TENM4: variants seen among roughly 807,000 people sequenced by gnomAD.
TENM4 encodes the protein teneurin transmembrane protein 4, also known as teneurin-4.
In TENM4, 82 loss-of-function variants were observed where a neutral mutation model predicts 243.3. The observed-to-expected ratio is 0.34, with a 90% confidence interval of 0.28 to 0.40. The LOEUF (loss-of-function observed/expected upper bound fraction) is 0.40. Ranked by LOEUF, TENM4 falls within the 10% of genes least tolerant of loss-of-function variation. The pLI is 1.00. For missense variants in TENM4, 3,138 were observed against 3,673.3 expected (o/e 0.85, Z 3.77); for synonymous variants, 1,412 against 1,456.3 (o/e 0.97, Z 0.69).
rs541209483 is a variant in TENM4 at position 78,830,760 on chromosome 11, C to T, written c.1682-16365G>A. Among the ~76,000 whole-genome samples the T allele has an allele frequency of 2.6e-5, 4 of 152,318 alleles. No homozygotes were observed. The East Asian group carries it at 7.7e-4, about 29-fold the overall frequency. Reference sequence around the variant, plus strand: ...CAACCTTCACACTCAGCCGCCAGGACAGTAAATTAAGAGAGAGACTCCGGG... The same window carrying T: ...CAACCTTCACACTCAGCCGCCAGGATAGTAAATTAAGAGAGAGACTCCGGG... On this transcript the variant is annotated intron_variant, in intron 12 of 33. Transcript: ENST00000278550.
intron 6 of TENM4, among the ~76,000 whole-genome samples, chr11:79,058,632 C>T (rs1021429892): frequency 6.6e-6 from 1 of 152,070 alleles, no homozygotes; most frequent in Non-Finnish European, 1.5e-5. Flanking sequence ...ACTAGCTATG[C>T]ACCCTTCAAT....
intron 4 of TENM4, among the ~76,000 whole-genome samples, chr11:79,139,861 C>T (rs1476033113): frequency 7.9e-6 from 1 of 127,070 alleles, no homozygotes; most frequent in East Asian, 2.4e-4. Flanking sequence ...TATGTATTTT[C>T]CATTAGTTCT....
At chr11:79,004,034 A>G (rs1858408247) in intron 6 of TENM4, among the ~76,000 whole-genome samples, 1 of 152,206 alleles carries the variant, frequency 6.6e-6, no homozygotes, top group African/African-American at 2.4e-5. Flanking sequence ...AAAGATCAAA[A>G]AAGACAAAGA....
chr11:79,347,762 C>CTTTTTTTTT (rs528675032), intron 1 of TENM4, among the ~76,000 whole-genome samples: 1 of 94,692 alleles, frequency 1.1e-5, no homozygotes, highest in Non-Finnish European at 2.0e-5. Flanking sequence ...CTATCCTCTC[C>CTTTTTTTTT]TTTTTTTTTT....
At chr11:78,808,506 G>A (rs1857435044) in intron 14 of TENM4, among the ~76,000 whole-genome samples, 1 of 152,192 alleles carries the variant, frequency 6.6e-6, no homozygotes, top group Non-Finnish European at 1.5e-5. Context: ...AGAAAGCACA[G>A]AGAAGTTAAA....
At chr11:79,341,597 C>G (rs2135461466) in intron 1 of TENM4, among the ~76,000 whole-genome samples, 1 of 152,308 alleles carries the variant, frequency 6.6e-6, no homozygotes. Context: ...AAGCGTTGGT[C>G]TCTTCCACCA....
chr11:78,868,379 G>A (rs935992120), intron 9 of TENM4, among the ~76,000 whole-genome samples: 1 of 152,162 alleles, frequency 6.6e-6, no homozygotes, highest in Non-Finnish European at 1.5e-5. Flanking sequence ...AAGATGCTAA[G>A]GAGTTCAGAA....
intron 6 of TENM4, among the ~76,000 whole-genome samples, chr11:78,960,472 T>C (rs1351811901): frequency 6.6e-6 from 1 of 152,102 alleles, no homozygotes; most frequent in African/African-American, 2.4e-5. Context: ...AGAGCTCAGG[T>C]GACTTTCACC....
chr11:78,784,648 A>G (rs1202084848), intron 16 of TENM4, among the ~76,000 whole-genome samples: 1 of 152,174 alleles, frequency 6.6e-6, no homozygotes, highest in African/African-American at 2.4e-5. Context: ...TTATTCTTAT[A>G]TTGTGCACAT....
At chr11:78,921,086 C>G (rs1856438216) in intron 6 of TENM4, among the ~76,000 whole-genome samples, 1 of 152,154 alleles carries the variant, frequency 6.6e-6, no homozygotes, top group South Asian at 2.1e-4. Context: ...GGATTCAAAC[C>G]AAGGACTAGC....
In TENM4 at chr11:79,205,277, T is replaced by C. The variant is rs891113047; in HGVS notation, c.-163+10531A>G. 4.6e-5 allele frequency among the ~76,000 whole-genome samples: 7 copies of C among 152,298 alleles called. No homozygotes were observed. In the East Asian group the frequency reaches 1.3e-3, roughly 29 times the overall value. On this transcript the variant is annotated intron_variant, in intron 3 of 33. Transcript: ENST00000278550. ...TTTGCAAAAGTATAAAATACTGTCA[T>C]AGCCAAGATATGGATATAGATACAG...
At chr11:79,253,687 C>T (rs1855652365) in intron 2 of TENM4, among the ~76,000 whole-genome samples, 1 of 152,120 alleles carries the variant, frequency 6.6e-6, no homozygotes, top group Admixed American at 6.5e-5. Flanking sequence ...AATGGGCAGA[C>T]CGTCCAAGAG....
In TENM4 at chr11:78,677,895, G is replaced by C. The variant is rs1858522430; in HGVS notation, c.5261-1508C>G. Among the ~76,000 whole-genome samples, 3 of 126,740 alleles carry C rather than the reference G, an allele frequency of 2.4e-5. No individual in the cohort carries two copies. The Admixed American group carries it at 2.4e-4, about 10-fold the overall frequency. The allele number at this position is 126,740 out of a possible 152,430, so 83.1% of individuals were successfully genotyped here. ...CCACTAATGTGTCATCTAGCATTAG[G>C]TATATCTCCCAATGCTATCCCTCCC... On this transcript the variant is annotated intron_variant, in intron 29 of 33. Coordinates refer to ENST00000278550, the MANE Select transcript of TENM4 (RefSeq NM_001098816.3).
intron 3 of TENM4, among the ~76,000 whole-genome samples, chr11:79,205,978 T>TGG (rs1469970291): frequency 6.6e-6 from 1 of 152,264 alleles, no homozygotes; most frequent in Admixed American, 6.5e-5. Context: ...CATGGGCCAC[T>TGG]GGCAGGTCTG....
intron 1 of TENM4, among the ~76,000 whole-genome samples, chr11:79,367,810 C>T (rs1469878988): frequency 6.6e-6 from 1 of 152,206 alleles, no homozygotes; most frequent in Admixed American, 6.5e-5. Context: ...AACACAACTT[C>T]TTCCTTGAAG....
At chr11:79,256,915 C>T (rs1855710343) in intron 2 of TENM4, among the ~76,000 whole-genome samples, 1 of 152,230 alleles carries the variant, frequency 6.6e-6, no homozygotes, top group Non-Finnish European at 1.5e-5. Context: ...TGTGGAGTGA[C>T]CAAGATGAGC....
rs1855984708 is a variant in TENM4 at position 78,903,471 on chromosome 11, C to CGGCGGCGGCGGCGTCCGG, written c.528_545dup (p.Arg177_Pro182dup). 6.5e-7 allele frequency: 1 copy of CGGCGGCGGCGGCGTCCGG among 1,542,974 alleles called. No homozygotes were observed. The highest frequency in any genetic ancestry group is 1.4e-5 in the African/African-American group (1 of 72,648). On this transcript the variant is annotated inframe_insertion, in exon 7 of 34. Coordinates refer to ENST00000278550, the MANE Select transcript of TENM4 (RefSeq NM_001098816.3). ...GGTTGGGGGTGTGGGCGTGCGAGAG[C>CGGCGGCGGCGGCGTCCGG]GGCGGCGGCGGCGTCCGGAGCCGCG...
chr11:79,373,263 T>C (rs1423191018), intron 1 of TENM4, among the ~76,000 whole-genome samples: 2 of 151,746 alleles, frequency 1.3e-5, no homozygotes, highest in Non-Finnish European at 2.9e-5. Context: ...GATGAATGAA[T>C]AAAGGTGTAG....
At chr11:79,335,651 G>A (rs1857136029) in intron 1 of TENM4, among the ~76,000 whole-genome samples, 1 of 152,164 alleles carries the variant, frequency 6.6e-6, no homozygotes, top group South Asian at 2.1e-4. Flanking sequence ...GAAAGGGACA[G>A]GATTAATTCA....
Sources: allele counts gnomAD v4.1 joint callset (sites outside exome capture counted in the v4.1 genomes callset), GRCh38; gene constraint gnomAD v4.1.1; transcripts MANE v1.5; gene names NCBI Gene and HGNC (gene_info 2026-07-23, HGNC 2026-07-21).